Variants in TANGO2 observed in about 807,000 individuals in gnomAD.
The protein encoded by TANGO2 is transport and Golgi organization protein 2 homolog.
TANGO2 carries 26 observed loss-of-function variants against 39.1 expected under a neutral mutation model. The observed-to-expected ratio is 0.67, with a 90% confidence interval of 0.49 to 0.92. The LOEUF (loss-of-function observed/expected upper bound fraction) is 0.92, where lower values mean the gene tolerates loss of function less well. Ranked by LOEUF, TANGO2 falls within the 40% of genes least tolerant of loss-of-function variation. TANGO2 has a pLI of 0.00. For missense variants in TANGO2, 326 were observed against 360.1 expected, an observed-to-expected ratio of 0.91 and a Z score of 0.77; for synonymous variants, 131 against 144.5, an observed-to-expected ratio of 0.91 and a Z score of 0.67.
intron 5 of TANGO2, 53 bp from the exon 6 acceptor site, chr22:20,055,890 C>G: frequency 1.4e-6 from 2 of 1,479,116 alleles, no homozygotes. Flanking sequence ...CGGGCAGTGT[C>G]GGGGAGGACG....
intron 3 of TANGO2, among the ~76,000 whole-genome samples, chr22:20,051,680 T>C (rs972400914): frequency 2.0e-5 from 3 of 151,750 alleles, no homozygotes; most frequent in African/African-American, 7.3e-5. Flanking sequence ...AGCAAAACTT[T>C]GTCTGTACAA....
At chr22:20,018,573 A>G (rs1337774500), upstream of TANGO2, among the ~76,000 whole-genome samples, 1 of 152,130 alleles carries the variant, frequency 6.6e-6, no homozygotes, top group African/African-American at 2.4e-5. Flanking sequence ...AAAGAGTGCA[A>G]AAGACAGAAC....
chr22:20,019,311 CCTAT>C (rs2039401777), upstream of TANGO2: 1 of 152,284 alleles, frequency 6.6e-6, no homozygotes, highest in African/African-American at 2.4e-5. Flanking sequence ...TAGTGAGCTT[CCTAT>C]CTGAGTTTGT....
intron 1 of TANGO2, among the ~76,000 whole-genome samples, chr22:20,033,861 C>T (rs1489832634): frequency 6.6e-6 from 1 of 152,262 alleles, no homozygotes; most frequent in Admixed American, 6.5e-5. Flanking sequence ...AAACCCACAG[C>T]TGAGCTTTAA....
chr22:20,039,309 A>G (rs2043455110), intron 2 of TANGO2, among the ~76,000 whole-genome samples: 1 of 151,846 alleles, frequency 6.6e-6, no homozygotes, highest in Non-Finnish European at 1.5e-5. Flanking sequence ...CAATCACTTC[A>G]TGATGTCACC....
At position 20,057,657 on chromosome 22, in the gene TANGO2, G is replaced by C. The variant is rs998518255; in HGVS notation, c.451+1644G>C. On this transcript the variant is annotated intron_variant, in intron 6 of 8. Transcript: ENST00000327374. The surrounding 1 kb of genome is among the most constrained non-coding windows in gnomAD (Gnocchi z 4.1). ...GCAAAGGATTGTTCTGGCTGTCTCA[G>C]CCAGCTCTTGCTGTTCCACCTGCCC... Among the ~76,000 whole-genome samples, 2 of 152,250 alleles carry C rather than the reference G, an allele frequency of 1.3e-5. No individual in the cohort carries two copies. The highest frequency in any genetic ancestry group is 2.9e-5 in the Non-Finnish European group (2 of 68,040).
chr22:20,026,803 C>G (rs1398669023), intron 1 of TANGO2, among the ~76,000 whole-genome samples: 1 of 152,216 alleles, frequency 6.6e-6, no homozygotes, highest in African/African-American at 2.4e-5. Flanking sequence ...TGCATACACC[C>G]TGGAGGCAGG....
chr22:20,040,776 C>T lies in TANGO2; in HGVS notation c.57-2579C>T, dbSNP rs431651. 4.1e-3 allele frequency among the ~76,000 whole-genome samples: 632 copies of T among 152,324 alleles called. 4 individuals carry two copies. Among genetic ancestry groups the T allele is most frequent in the Non-Finnish European group, 7.1e-3 (482 of 68,022 alleles). On this transcript the variant is annotated intron_variant, in intron 2 of 8. Transcript: ENST00000327374. ...CATCCCTGCTGCAGAGGTTGGGGGG[C>T]ACTTCTGCCCAGAAGGGACATGGAG...
At chr22:20,060,348 C>CAA (rs1180539682) in intron 6 of TANGO2, among the ~76,000 whole-genome samples, 3,990 of 80,430 alleles carry the variant, frequency 0.05, 130 homozygotes, top group East Asian at 0.088. Context: ...GACTCCGTCT[C>CAA]AAAAAAAAAA....
intron 3 of TANGO2, among the ~76,000 whole-genome samples, chr22:20,052,140 T>C (rs2046449016): frequency 6.6e-6 from 1 of 152,198 alleles, no homozygotes; most frequent in Admixed American, 6.5e-5. Flanking sequence ...GATTGGAGCC[T>C]AGTGCTGCCC....
At chr22:20,037,114 T>C (rs1324302869) in intron 2 of TANGO2, 4 of 1,510,160 alleles carry the variant, frequency 2.6e-6, no homozygotes, top group African/African-American at 2.8e-5. Flanking sequence ...AGGAGTGACA[T>C]GGGTCCAGGT....
At chr22:20,055,027 A>G (rs1261097156) in intron 5 of TANGO2, 1 of 152,088 alleles carries the variant, frequency 6.6e-6, no homozygotes, top group African/African-American at 2.4e-5. Context: ...GAAGCCTACC[A>G]GGGGTGGGGA....
chr22:20,043,780 G>A (rs968709591), intron 3 of TANGO2, among the ~76,000 whole-genome samples: 3 of 152,188 alleles, frequency 2.0e-5, no homozygotes, highest in African/African-American at 7.2e-5. Context: ...ACTTTGTGAA[G>A]CAACCCAGTC....
At chr22:20,039,205 A>T (rs895640809) in intron 2 of TANGO2, among the ~76,000 whole-genome samples, 1 of 150,152 alleles carries the variant, frequency 6.7e-6, no homozygotes, top group Non-Finnish European at 1.5e-5. Context: ...AAATGCTGGG[A>T]TTACATGCGT....
chr22:20,020,512 G>A (rs963296553), upstream of TANGO2, among the ~76,000 whole-genome samples: 5 of 152,090 alleles, frequency 3.3e-5, no homozygotes, highest in African/African-American at 1.2e-4. Flanking sequence ...CTACACTGGG[G>A]GGTGGAAGTG....
chr22:20,046,143 G>A (rs768930085), intron 3 of TANGO2, among the ~76,000 whole-genome samples: 1 of 151,776 alleles, frequency 6.6e-6, no homozygotes, highest in African/African-American at 2.4e-5. Context: ...CTGAGTCTGG[G>A]TAATTTTTTT....
chr22:20,059,399 G>A (rs892434417), intron 6 of TANGO2, among the ~76,000 whole-genome samples: 9 of 152,292 alleles, frequency 5.9e-5, no homozygotes, highest in South Asian at 2.1e-4. Flanking sequence ...ATGTGAATAC[G>A]TAGGAATGGA....
At chr22:20,021,693 C>T (rs1243469130) in intron 1 of TANGO2, among the ~76,000 whole-genome samples, 1 of 152,214 alleles carries the variant, frequency 6.6e-6, no homozygotes, top group Non-Finnish European at 1.5e-5. Context: ...CCACCCCCAA[C>T]TCCAGAGCGT....
Position 20,053,499 on chromosome 22 carries a change from T to G in TANGO2, c.328T>G (p.Ser110Ala). 18 of 1,614,052 alleles carry G rather than the reference T, an allele frequency of 1.1e-5. No individual in the cohort carries two copies. Among genetic ancestry groups the G allele is most frequent in the Non-Finnish European group, 1.5e-5 (18 of 1,179,916 alleles). ...VDSLSYLKKV[S>A]MEGHLYNGFN... ...CAGCTTGTCCTACCTGAAGAAGGTC[T>G]CTATGGAGGGCCATCTGTACAATGG... The change falls in exon 5 of 9, where the codon TCT becomes GCT. Residue 110 changes from serine to alanine, a missense_variant. Ser to Ala is a moderately conservative substitution (Grantham distance 99, BLOSUM62 1). Transcript: ENST00000327374.
Sources: gnomAD v4.1 joint callset for allele counts (sites outside exome capture counted in the v4.1 genomes callset) on GRCh38, gnomAD v4.1.1 for gene constraint, Gnocchi (gnomAD v3.1) non-coding constraint, MANE v1.5 for transcripts, NCBI Gene and HGNC (gene_info 2026-07-23, HGNC 2026-07-21) for gene names.